ESRRG: variants seen among roughly 807,000 people sequenced by gnomAD.
The protein encoded by ESRRG is estrogen related receptor gamma, also known as estrogen-related receptor gamma.
Under a neutral mutation model 44.0 loss-of-function variants are expected in ESRRG, and 13 were observed. That is an observed-to-expected ratio of 0.30 (90% CI 0.19 to 0.47). The LOEUF (loss-of-function observed/expected upper bound fraction) is 0.47, where lower values mean the gene tolerates loss of function less well. Among genes scored for constraint, ESRRG ranks in the 20% least tolerant of loss-of-function variants. The pLI is 1.00. For synonymous variants in ESRRG, 215 were observed against 214.6 expected (o/e 1.00, Z -0.02); for missense variants, 395 against 580.6 (o/e 0.68, Z 3.29).
At chr1:216,996,543 GA>G (rs891381292) in intron 1 of ESRRG, among the ~76,000 whole-genome samples, 3 of 152,020 alleles carry the variant, frequency 2.0e-5, no homozygotes, top group Non-Finnish European at 4.4e-5. Flanking sequence ...ATAAGTAAAT[GA>G]ATAAGTTAAG....
intron 5 of ESRRG, among the ~76,000 whole-genome samples, chr1:216,528,652 T>C (rs538541734): frequency 6.6e-6 from 1 of 152,250 alleles, no homozygotes; most frequent in East Asian, 1.9e-4. Context: ...ACGTAAATTT[T>C]TAGGCAATCC....
At chr1:217,056,772 CAA>C (rs1291926973) in intron 1 of ESRRG, among the ~76,000 whole-genome samples, 1 of 150,972 alleles carries the variant, frequency 6.6e-6, no homozygotes, top group Non-Finnish European at 1.5e-5. Context: ...AACTAGGAGA[CAA>C]AGTTTCCTCT....
chr1:216,600,672 A>T (rs1490865987), intron 3 of ESRRG, among the ~76,000 whole-genome samples: 4 of 152,208 alleles, frequency 2.6e-5, no homozygotes, highest in Non-Finnish European at 5.9e-5. Context: ...CTTAAAAAAA[A>T]ATCCCAAATA....
At chr1:217,094,134 C>G (rs901095517), upstream of ESRRG, among the ~76,000 whole-genome samples, 3 of 152,146 alleles carry the variant, frequency 2.0e-5, no homozygotes, top group Non-Finnish European at 2.9e-5. Flanking sequence ...ATCCTCCTGT[C>G]TTCACCTCCA....
chr1:216,565,356 C>T (rs762877407), intron 4 of ESRRG, among the ~76,000 whole-genome samples: 16 of 152,174 alleles, frequency 1.1e-4, no homozygotes, highest in East Asian at 1.9e-4. Context: ...GAGATACAAA[C>T]GGGTGAGAAT....
chr1:216,948,035 T>A lies in ESRRG; in HGVS notation c.-105-8362A>T, dbSNP rs1370752292. ...TAGAAGGAGCTTGGCCTTGAAATCA[T>A]CACTTGAAAGAGACTCACCCCAATC... is the stretch of plus-strand genomic sequence containing the variant. On this transcript the variant is annotated intron_variant, in intron 1 of 7. Coordinates refer to the ESRRG transcript ENST00000359162. 5.4e-5 allele frequency among the ~76,000 whole-genome samples: 8 copies of A among 147,096 alleles called. No individual in the cohort carries two copies. In the East Asian group the frequency reaches 1.5e-3, roughly 28 times the overall value.
intron 2 of ESRRG, among the ~76,000 whole-genome samples, chr1:216,748,864 T>A (rs1471875753): frequency 1.3e-5 from 2 of 152,086 alleles, no homozygotes; most frequent in South Asian, 4.1e-4. Flanking sequence ...TGTGGTCTCC[T>A]TGGGGGCACC....
At chr1:216,730,457 T>G (rs187793989) in intron 2 of ESRRG, among the ~76,000 whole-genome samples, 1 of 152,150 alleles carries the variant, frequency 6.6e-6, no homozygotes, top group Non-Finnish European at 1.5e-5. Flanking sequence ...TATCATTTCC[T>G]TCAGGGATTC....
chr1:217,092,217 T>C (rs1255754046), upstream of ESRRG, among the ~76,000 whole-genome samples: 1 of 152,194 alleles, frequency 6.6e-6, no homozygotes, highest in Non-Finnish European at 1.5e-5. Flanking sequence ...TACTTTCAAG[T>C]CTTTATTTTC....
intron 2 of ESRRG, among the ~76,000 whole-genome samples, chr1:216,832,696 G>C (rs1281057528): frequency 6.6e-6 from 1 of 152,238 alleles, no homozygotes; most frequent in South Asian, 2.1e-4. Context: ...GGGTGCAGTG[G>C]CTCATGCCGG....
chr1:216,678,472 C>T (rs2076487147), intron 1 of ESRRG, among the ~76,000 whole-genome samples: 1 of 152,052 alleles, frequency 6.6e-6, no homozygotes, highest in African/African-American at 2.4e-5. Context: ...TGGTCCTTCC[C>T]CCACTTCTTT....
At chr1:216,688,363 C>G (rs1485668575) in intron 1 of ESRRG, among the ~76,000 whole-genome samples, 1 of 152,198 alleles carries the variant, frequency 6.6e-6, no homozygotes, top group Non-Finnish European at 1.5e-5. Flanking sequence ...AGAACAGAGG[C>G]AAGCTGCTGT....
At chr1:216,810,237 C>T (rs898037598) in intron 2 of ESRRG, among the ~76,000 whole-genome samples, 17 of 152,244 alleles carry the variant, frequency 1.1e-4, no homozygotes, top group African/African-American at 3.8e-4. Flanking sequence ...CATGCCTTTG[C>T]GCAAATGGCA....
At chr1:216,800,374 G>C (rs1249208558) in intron 2 of ESRRG, among the ~76,000 whole-genome samples, 1 of 152,122 alleles carries the variant, frequency 6.6e-6, no homozygotes, top group Non-Finnish European at 1.5e-5. Context: ...AAGAACACAG[G>C]CTGGACAGAA....
At chr1:216,654,584 G>A (rs1010173990) in intron 2 of ESRRG, among the ~76,000 whole-genome samples, 9 of 149,472 alleles carry the variant, frequency 6.0e-5, no homozygotes, top group Admixed American at 2.0e-4. Context: ...AGCTGAGATC[G>A]TGCCATTGCA....
At chr1:217,041,147 C>T (rs1259819337) in intron 1 of ESRRG, among the ~76,000 whole-genome samples, 1 of 152,048 alleles carries the variant, frequency 6.6e-6, no homozygotes, top group Non-Finnish European at 1.5e-5. Flanking sequence ...AAAATATTCT[C>T]ATCTTTTTCA....
chr1:216,727,482 C>G (rs1468700326), upstream of ESRRG, among the ~76,000 whole-genome samples: 1 of 152,022 alleles, frequency 6.6e-6, no homozygotes, highest in Non-Finnish European at 1.5e-5. Flanking sequence ...CCCTCATTTC[C>G]TCATCTGAAA....
intron 2 of ESRRG, among the ~76,000 whole-genome samples, chr1:216,780,241 T>C (rs1317908560): frequency 6.6e-6 from 1 of 151,972 alleles, no homozygotes; most frequent in Non-Finnish European, 1.5e-5. Flanking sequence ...GCTTAACAAA[T>C]GTAATTTAAA....
At chr1:216,827,510 G>A (rs1252440622) in intron 2 of ESRRG, among the ~76,000 whole-genome samples, 1 of 152,050 alleles carries the variant, frequency 6.6e-6, no homozygotes, top group Non-Finnish European at 1.5e-5. Flanking sequence ...TATAAAACAG[G>A]AATAATTATG....
Sources: allele counts gnomAD v4.1 joint callset (sites outside exome capture counted in the v4.1 genomes callset), GRCh38; gene constraint gnomAD v4.1.1; transcripts MANE v1.5; gene names NCBI Gene and HGNC (gene_info 2026-07-23, HGNC 2026-07-21).